Variants in PARD3 observed in about 807,000 individuals in gnomAD.
The protein encoded by PARD3 is par-3 family cell polarity regulator.
PARD3 carries 75 observed loss-of-function variants against 155.4 expected under a neutral mutation model. The ratio of observed to expected loss-of-function variants is 0.48; its 90% CI spans 0.40 to 0.58. The LOEUF is 0.58. Among genes scored for constraint, PARD3 ranks in the 20% least tolerant of loss-of-function variants. The pLI, the probability that PARD3 is intolerant of heterozygous loss-of-function variation, is 0.00. For missense variants in PARD3, 1,642 were observed against 1,721.7 expected (o/e 0.95, Z 0.82); for synonymous variants, 576 against 610.5 (o/e 0.94, Z 0.83).
intron 2 of PARD3, among the ~76,000 whole-genome samples, chr10:34,550,947 G>C (rs1286793837): frequency 6.6e-6 from 1 of 152,130 alleles, no homozygotes; most frequent in East Asian, 1.9e-4. Flanking sequence ...TCAAGCACGA[G>C]CAAGAACTCC....
At chr10:34,681,772 T>A (rs1424859907) in intron 2 of PARD3, among the ~76,000 whole-genome samples, 402 of 16,808 alleles carry the variant, frequency 0.024, no homozygotes, top group Admixed American at 0.034. Context: ...ATATATATTT[T>A]TTTTTTTTTT....
chr10:34,359,911 AC>A, intron 13 of PARD3, among the ~76,000 whole-genome samples, 159 bp downstream of exon 13: 1 of 152,364 alleles, frequency 6.6e-6, no homozygotes, highest in Middle Eastern at 3.4e-3. Flanking sequence ...CTCCATCCCC[AC>A]GTGACACATC....
chr10:34,495,709 G>C (rs970203015), intron 3 of PARD3, among the ~76,000 whole-genome samples: 1 of 152,070 alleles, frequency 6.6e-6, no homozygotes, highest in Non-Finnish European at 1.5e-5. Context: ...GCTCTCAGGA[G>C]TCAGCTTAGA....
At chr10:34,484,852 G>C (rs1052590808) in intron 3 of PARD3, among the ~76,000 whole-genome samples, 1 of 152,120 alleles carries the variant, frequency 6.6e-6, no homozygotes, top group Non-Finnish European at 1.5e-5. Context: ...ACCTCTTGTG[G>C]AAAGCCTCTG....
At chr10:34,415,595 T>C (rs1208943986) in intron 5 of PARD3, among the ~76,000 whole-genome samples, 4 of 152,092 alleles carry the variant, frequency 2.6e-5, no homozygotes, top group African/African-American at 9.7e-5. Flanking sequence ...CAAAGAACGA[T>C]TCTTATCTAA....
chr10:34,357,883 C>T (rs532595182), intron 14 of PARD3, among the ~76,000 whole-genome samples: 7 of 152,208 alleles, frequency 4.6e-5, no homozygotes, highest in African/African-American at 1.4e-4. Context: ...CAACTGAGCT[C>T]GAGAGTATAT....
chr10:34,497,558 C>T (rs866075194), intron 3 of PARD3, among the ~76,000 whole-genome samples: 1 of 152,272 alleles, frequency 6.6e-6, no homozygotes, highest in South Asian at 2.1e-4. Context: ...TGAAGTCACA[C>T]GTTCACCATA....
intron 3 of PARD3, among the ~76,000 whole-genome samples, chr10:34,503,878 A>G (rs559307659): frequency 6.6e-6 from 1 of 152,358 alleles, no homozygotes; most frequent in South Asian, 2.1e-4. Flanking sequence ...TGAGAACAAG[A>G]AAGGAGAAAT....
intron 7 of PARD3, among the ~76,000 whole-genome samples, chr10:34,390,855 A>G (rs1268387933): frequency 6.6e-6 from 1 of 152,240 alleles, no homozygotes; most frequent in Admixed American, 6.5e-5. Context: ...TTATTGTAAC[A>G]AAGCAACTTG....
chr10:34,719,424 T>C (rs1210138458), intron 1 of PARD3, among the ~76,000 whole-genome samples: 1 of 152,202 alleles, frequency 6.6e-6, no homozygotes, highest in Non-Finnish European at 1.5e-5. Flanking sequence ...ATCCCTCCAA[T>C]CTTGTTTAAT....
intron 1 of PARD3, among the ~76,000 whole-genome samples, chr10:34,778,199 A>C (rs749432399): frequency 1.3e-5 from 2 of 152,196 alleles, no homozygotes; most frequent in Non-Finnish European, 2.9e-5. Context: ...GCTCCAAGCC[A>C]ATGTGTGTGG....
intron 22 of PARD3, among the ~76,000 whole-genome samples, chr10:34,180,706 T>A (rs1207250222): frequency 6.6e-6 from 1 of 152,154 alleles, no homozygotes; most frequent in Admixed American, 6.5e-5. Flanking sequence ...TTCTACTAAT[T>A]TATAAAGTTT....
chr10:34,395,003 T>C (rs1843181339), intron 7 of PARD3, among the ~76,000 whole-genome samples: 2 of 151,570 alleles, frequency 1.3e-5, no homozygotes, highest in African/African-American at 4.8e-5. Flanking sequence ...TTCCTGAAAA[T>C]AGTGGCATTT....
At chr10:34,182,773 C>G (rs1950322751) in intron 22 of PARD3, among the ~76,000 whole-genome samples, 1 of 149,534 alleles carries the variant, frequency 6.7e-6, no homozygotes, top group Admixed American at 6.6e-5. Context: ...TCATGAATAC[C>G]AACAGTCCTT....
chr10:34,745,391 A>C (rs753196212), intron 1 of PARD3, among the ~76,000 whole-genome samples: 18 of 151,004 alleles, frequency 1.2e-4, no homozygotes, highest in Non-Finnish European at 2.2e-4. Context: ...AGGAAGTAAA[A>C]GGAAGGAAAG....
intron 21 of PARD3, among the ~76,000 whole-genome samples, chr10:34,271,348 T>C (rs1955602275): frequency 6.6e-6 from 1 of 152,120 alleles, no homozygotes; most frequent in South Asian, 2.1e-4. Context: ...TAAAAGAAAT[T>C]ATACACCGTG....
At chr10:34,425,080 A>G (rs1478912750) in intron 5 of PARD3, among the ~76,000 whole-genome samples, 1 of 152,014 alleles carries the variant, frequency 6.6e-6, no homozygotes, top group Admixed American at 6.6e-5. Context: ...ATCATGACCA[A>G]GACCACTTTT....
intron 1 of PARD3, among the ~76,000 whole-genome samples, chr10:34,766,665 T>G (rs926006223): frequency 2.8e-5 from 4 of 145,082 alleles, no homozygotes; most frequent in African/African-American, 7.7e-5. Context: ...ATGAGAGATG[T>G]TGAGAAAATT....
At chr10:34,623,726 A>C (rs2091825252) in intron 2 of PARD3, among the ~76,000 whole-genome samples, 1 of 152,176 alleles carries the variant, frequency 6.6e-6, no homozygotes, top group Non-Finnish European at 1.5e-5. Flanking sequence ...CATGCCTGTA[A>C]TCCCAGCACT....
Sources: gnomAD v4.1 joint callset for allele counts (sites outside exome capture counted in the v4.1 genomes callset) on GRCh38, gnomAD v4.1.1 for gene constraint, MANE v1.5 for transcripts, NCBI Gene and HGNC (gene_info 2026-07-23, HGNC 2026-07-21) for gene names.